SLC26A7: variants seen among roughly 807,000 people sequenced by gnomAD.
SLC26A7 encodes the protein anion exchange transporter.
Under a neutral mutation model 82.5 loss-of-function variants are expected in SLC26A7, and 59 were observed. That is an observed-to-expected ratio of 0.72 (90% CI 0.58 to 0.89). The LOEUF is 0.89. Among genes scored for constraint, SLC26A7 ranks in the 40% least tolerant of loss-of-function variants. The pLI, the probability that SLC26A7 is intolerant of heterozygous loss-of-function variation, is 0.00. For synonymous variants in SLC26A7, 271 were observed against 274.3 expected (o/e 0.99, Z 0.12); for missense variants, 820 against 793.0 (o/e 1.03, Z -0.41).
chr8:91,322,315 A>C, intron 5 of SLC26A7, among the ~76,000 whole-genome samples: 1 of 152,188 alleles, frequency 6.6e-6, no homozygotes, highest in East Asian at 1.9e-4. Context: ...AGCAGTTATA[A>C]ACCCATTTAA....
At chr8:91,256,683 C>A (rs1190718596) in intron 2 of SLC26A7, among the ~76,000 whole-genome samples, 1 of 152,108 alleles carries the variant, frequency 6.6e-6, no homozygotes, top group African/African-American at 2.4e-5. Flanking sequence ...TTTGCATGTG[C>A]AAACACTTTT....
Position 91,341,463 on chromosome 8 carries a change from G to A in SLC26A7, c.1026+912G>A, listed in dbSNP as rs550171551. 2.6e-5 allele frequency among the ~76,000 whole-genome samples: 4 copies of A among 152,294 alleles called. No homozygotes were observed. In the East Asian group the frequency reaches 5.8e-4, roughly 22 times the overall value. ...TGGTCTGCAGAGAAGTTGCAGTGCC[G>A]TGGTTTACGAATATCGAACTACCTG... On this transcript the variant is annotated intron_variant, in intron 8 of 18. Transcript: ENST00000276609.
In SLC26A7 at chr8:91,353,009, T is replaced by C; in HGVS notation, c.1314+13T>C. On this transcript the variant is annotated intron_variant, in intron 11 of 18. Coordinates refer to ENST00000276609, the MANE Select transcript of SLC26A7 (RefSeq NM_052832.4). ...TAAAATCGATTGGGTAAGTAGAAAT[T>C]TGACCTAAAACAATCCCTTTTTAGC... The C allele has an allele frequency of 6.3e-7, 1 of 1,579,516 alleles. No homozygotes were observed.
exon 2 of SLC26A7, chr8:91,219,000 G>T (rs1361147487): frequency 6.6e-7 from 1 of 1,523,390 alleles, no homozygotes. Flanking sequence ...CTCAGGTGTA[G>T]AACAGGTGAG....
At chr8:91,321,384 G>A (rs1014024168) in intron 5 of SLC26A7, among the ~76,000 whole-genome samples, 2 of 152,140 alleles carry the variant, frequency 1.3e-5, no homozygotes, top group African/African-American at 2.4e-5. Context: ...AGGAAAACAC[G>A]CCCCGACTCC....
At chr8:91,256,751 T>C (rs1170169631) in intron 2 of SLC26A7, among the ~76,000 whole-genome samples, 1 of 152,174 alleles carries the variant, frequency 6.6e-6, no homozygotes, top group Non-Finnish European at 1.5e-5. Context: ...ATGACACATT[T>C]GAGTGCTATT....
chr8:91,225,650 T>TG (rs1761212416), intron 2 of SLC26A7, among the ~76,000 whole-genome samples: 8 of 110,862 alleles, frequency 7.2e-5, no homozygotes, highest in African/African-American at 3.1e-4. Context: ...AGTGTTTTTT[T>TG]TTTTTTTTTT....
At chr8:91,270,596 A>G (rs571231129) in intron 2 of SLC26A7, among the ~76,000 whole-genome samples, 10 of 152,136 alleles carry the variant, frequency 6.6e-5, no homozygotes, top group Non-Finnish European at 1.3e-4. Flanking sequence ...AAAGCTCTCA[A>G]TGAACACATA....
At chr8:91,375,643 C>CT (rs1814490376) in intron 15 of SLC26A7, among the ~76,000 whole-genome samples, 1 of 149,314 alleles carries the variant, frequency 6.7e-6, no homozygotes, top group South Asian at 2.1e-4. Context: ...GCCCTTTTCT[C>CT]TAGCTGCCTT....
At chr8:91,253,894 C>T (rs184511086) in intron 2 of SLC26A7, among the ~76,000 whole-genome samples, 1 of 152,208 alleles carries the variant, frequency 6.6e-6, no homozygotes, top group Non-Finnish European at 1.5e-5. Context: ...AGAATTAAAA[C>T]ATTCTAGAAG....
At chr8:91,232,856 T>C (rs1455369117) in intron 2 of SLC26A7, among the ~76,000 whole-genome samples, 1 of 152,204 alleles carries the variant, frequency 6.6e-6, no homozygotes, top group Non-Finnish European at 1.5e-5. Flanking sequence ...ATTTAGAGAA[T>C]ACAGATGATT....
intron 15 of SLC26A7, among the ~76,000 whole-genome samples, chr8:91,372,048 CTGTT>C (rs1814377818): frequency 6.6e-6 from 1 of 151,976 alleles, no homozygotes; most frequent in African/African-American, 2.4e-5. Context: ...TGAGAAGTGT[CTGTT>C]AATGTCCTTT....
At position 91,213,050 on chromosome 8, in the gene SLC26A7, C is replaced by G. The variant is rs554871931; in HGVS notation, c.-150+3508C>G. Among the ~76,000 whole-genome samples, 272 of 152,150 alleles carry G rather than the reference C, an allele frequency of 1.8e-3. 2 individuals carry two copies. The highest frequency in any genetic ancestry group is 6.4e-3 in the African/African-American group (265 of 41,500). ...TATAATTTTTTTTCTTCTAAATAAT[C>G]TTACATTTTATTGAGCTTTAGTTTA... On this transcript the variant is annotated intron_variant, in intron 1 of 5. Transcript: ENST00000522862.
upstream of SLC26A7, among the ~76,000 whole-genome samples, chr8:91,245,674 G>A (rs1810535724): frequency 6.6e-6 from 1 of 152,100 alleles, no homozygotes; most frequent in Non-Finnish European, 1.5e-5. Context: ...AATCTCCACA[G>A]AGACCACATT....
intron 9 of SLC26A7, among the ~76,000 whole-genome samples, chr8:91,346,307 C>A (rs1413937865): frequency 3.9e-5 from 6 of 152,054 alleles, no homozygotes; most frequent in Non-Finnish European, 8.8e-5. Context: ...TTTAACATTG[C>A]AAGTGTTAAG....
intron 2 of SLC26A7, among the ~76,000 whole-genome samples, chr8:91,237,075 G>A (rs1810403197): frequency 6.6e-6 from 1 of 152,222 alleles, no homozygotes; most frequent in Non-Finnish European, 1.5e-5. Flanking sequence ...ATCATTGACA[G>A]ATGTGCTCCC....
chr8:91,299,912 G>A (rs1285265117), intron 4 of SLC26A7, among the ~76,000 whole-genome samples: 1 of 152,162 alleles, frequency 6.6e-6, no homozygotes, highest in East Asian at 1.9e-4. Flanking sequence ...TAAAGAGATA[G>A]ACATACTAGA....
chr8:91,365,628 T>C (rs761603602), intron 13 of SLC26A7, among the ~76,000 whole-genome samples: 5 of 152,246 alleles, frequency 3.3e-5, no homozygotes, highest in Non-Finnish European at 7.3e-5. Flanking sequence ...TCAATCAGTT[T>C]TGTAACTATA....
At chr8:91,363,429 T>G (rs1462104519) in intron 12 of SLC26A7, 43 bp from the exon 13 acceptor site, 3 of 1,232,872 alleles carry the variant, frequency 2.4e-6, no homozygotes, top group Non-Finnish European at 2.3e-6. Flanking sequence ...TATATAATGA[T>G]TAGGAAATGA....
Sources: allele counts gnomAD v4.1 joint callset (sites outside exome capture counted in the v4.1 genomes callset), GRCh38; gene constraint gnomAD v4.1.1; transcripts MANE v1.5; gene names NCBI Gene and HGNC (gene_info 2026-07-23, HGNC 2026-07-21).